TMEM25: variants seen among roughly 807,000 people sequenced by gnomAD.
The protein encoded by TMEM25 is transmembrane protein 25.
TMEM25 carries 36 observed loss-of-function variants against 37.0 expected under a neutral mutation model. That is an observed-to-expected ratio of 0.97 (90% CI 0.75 to 1.28). The LOEUF is 1.28. Ranked by LOEUF, TMEM25 falls within the 50% of genes most tolerant of loss-of-function variation. TMEM25 has a pLI of 0.00. For missense variants in TMEM25, 444 were observed against 477.9 expected, an observed-to-expected ratio of 0.93 and a Z score of 0.66; for synonymous variants, 197 against 203.7, an observed-to-expected ratio of 0.97 and a Z score of 0.28.
chr11:118,543,240 CTTAAACTCA>C (rs1555066127), intron 8 of TMEM25, among the ~76,000 whole-genome samples: 1 of 152,158 alleles, frequency 6.6e-6, no homozygotes, highest in African/African-American at 2.4e-5. Flanking sequence ...GTGCCTGCTC[CTTAAACTCA>C]AGCATGATGA....
intron 8 of TMEM25, chr11:118,545,624 G>A: frequency 1.9e-6 from 2 of 1,055,928 alleles, no homozygotes; most frequent in Non-Finnish European, 1.5e-6. Flanking sequence ...ATACCCAGCA[G>A]GTAGTCACAT....
intron 8 of TMEM25, chr11:118,545,101 C>G: frequency 1.0e-6 from 1 of 973,294 alleles, no homozygotes; most frequent in East Asian, 2.6e-5. Flanking sequence ...AATGAACCCC[C>G]TTTATTTCCT....
chr11:118,531,534 C>T, intron 1 of TMEM25: 2 of 548,920 alleles, frequency 3.6e-6, no homozygotes, highest in Non-Finnish European at 6.5e-6. Flanking sequence ...CGGGTGTGTG[C>T]CTCTTTGTAT....
In TMEM25 at chr11:118,532,834, T is replaced by C. The variant is rs925398749; in HGVS notation, c.383-83T>C. On this transcript the variant is annotated intron_variant, in intron 3 of 8. Coordinates refer to ENST00000313236, the MANE Select transcript of TMEM25 (RefSeq NM_032780.4). ...CCCTCTGAGGAGAGGCCCAGGCCCC[T>C]GGCTCCCATCTGGGTTTGGGAAGAA... 9.1e-6 allele frequency: 14 copies of C among 1,532,376 alleles called. 1 individual carries two copies. The highest frequency in any genetic ancestry group is 7.6e-5 in the South Asian group (6 of 78,606). The allele number at this position is 1,532,376 out of a possible 1,614,324, so 94.9% of individuals were successfully genotyped here. A position where few individuals can be genotyped will look rare whatever the true frequency, so the allele number is the denominator to read the frequency against.
intron 5 of TMEM25, 145 bp downstream of exon 5, chr11:118,533,696 C>T: frequency 6.4e-7 from 1 of 1,565,170 alleles, no homozygotes. Flanking sequence ...ACATGCATCC[C>T]AGGTAGCAGG....
At chr11:118,539,775 CT>C (rs1951554397), downstream of TMEM25, among the ~76,000 whole-genome samples, 1 of 151,822 alleles carries the variant, frequency 6.6e-6, no homozygotes, top group Non-Finnish European at 1.5e-5. Context: ...AATACCAGTA[CT>C]TTGGGAGGCA....
At chr11:118,532,781 A>T in intron 3 of TMEM25, 136 bp from the exon 4 acceptor site, 1 of 1,274,980 alleles carries the variant, frequency 7.8e-7, no homozygotes, top group Non-Finnish European at 1.1e-6. Flanking sequence ...CCTCTCTGGC[A>T]GACCCAGCCA....
chr11:118,540,738 C>A (rs1951567455), downstream of TMEM25, among the ~76,000 whole-genome samples: 1 of 152,172 alleles, frequency 6.6e-6, no homozygotes, highest in Non-Finnish European at 1.5e-5. Flanking sequence ...GCCAAACACT[C>A]TTTTTTTCAG....
At position 118,534,511 on chromosome 11, in the gene TMEM25, C is replaced by T. The variant is rs1555062085; in HGVS notation, c.1032C>T (p.Phe344=). 1 of 1,614,106 alleles carries T rather than the reference C, an allele frequency of 6.2e-7. No individual in the cohort carries two copies. The highest frequency in any genetic ancestry group is 1.3e-5 in the African/African-American group (1 of 74,938). ...CGGGCTTCTTTGATCCCGCAGGTTTCATCCGCCTCCCAGTGCTGGGCTATA... is the reference window on the plus strand; with the variant it reads ...CGGGCTTCTTTGATCCCGCAGGTTTTATCCGCCTCCCAGTGCTGGGCTATA... ...EPGGLLTSQG[F]IRLPVLGYIY... Residue 344 remains phenylalanine (F), a synonymous_variant, in exon 9 of 9, where the codon TTC becomes TTT. Coordinates refer to ENST00000313236, the MANE Select transcript of TMEM25 (RefSeq NM_032780.4). The surrounding 1 kb of genome is among the most constrained non-coding windows in gnomAD (Gnocchi z 4.6).
chr11:118,546,102 G>T, intron 8 of TMEM25: 2 of 718,492 alleles, frequency 2.8e-6, no homozygotes, highest in South Asian at 3.0e-5. Context: ...AATCCAGTAT[G>T]ACTGGTGTCC....
chr11:118,533,693 T>C, intron 5 of TMEM25, 142 bp downstream of exon 5: 2 of 1,567,742 alleles, frequency 1.3e-6, no homozygotes, highest in African/African-American at 2.7e-5. Context: ...GTGACATGCA[T>C]CCCAGGTAGC....
chr11:118,531,486 G>T, intron 1 of TMEM25: 2 of 530,460 alleles, frequency 3.8e-6, no homozygotes, highest in East Asian at 6.3e-5. Context: ...TGTGTGCAAG[G>T]TGTGGTTGCA....
chr11:118,543,965 C>T (rs1050506135), intron 8 of TMEM25, among the ~76,000 whole-genome samples: 4 of 152,092 alleles, frequency 2.6e-5, no homozygotes, highest in Admixed American at 1.3e-4. Flanking sequence ...CACCAAAACA[C>T]CCGGCTAACT....
Position 118,532,175 on chromosome 11 carries a change from A to AG in TMEM25, c.97dup (p.Asp33GlyfsTer7). 6.3e-7 allele frequency: 1 copy of AG among 1,580,766 alleles called. No homozygotes were observed. The highest frequency in any genetic ancestry group is 1.2e-5 in the South Asian group (1 of 85,260). ...GTTGGGGGGAGTTGGAGCCACAAAT[A>AG]GATGGTCAGACCTGGGCTGAGCGGG... On this transcript the variant is annotated frameshift_variant, in exon 3 of 9. Coordinates refer to ENST00000313236, the MANE Select transcript of TMEM25 (RefSeq NM_032780.4). LOFTEE classifies it high-confidence loss of function.
chr11:118,531,624 T>A (rs1392238786), intron 1 of TMEM25, 151 bp from the exon 2 acceptor site: 6 of 635,706 alleles, frequency 9.4e-6, no homozygotes, highest in Non-Finnish European at 1.6e-5. Context: ...CTTTGGGCTT[T>A]GCCGTTCGTG....
At chr11:118,542,558 C>G (rs2135444036) in intron 8 of TMEM25, among the ~76,000 whole-genome samples, 1 of 151,282 alleles carries the variant, frequency 6.6e-6, no homozygotes, top group African/African-American at 2.4e-5. Context: ...GAGTTGAGGC[C>G]AGGAGTTGGA....
In TMEM25 at chr11:118,533,869, A is replaced by G. The variant is rs1951414668; in HGVS notation, c.818A>G (p.His273Arg). 1 of 1,614,044 alleles carries G rather than the reference A, an allele frequency of 6.2e-7. No homozygotes were observed. The highest frequency in any genetic ancestry group is 8.5e-7 in the Non-Finnish European group (1 of 1,179,994). The change falls in exon 6 of 9, where the codon CAC becomes CGC. Residue 273 changes from histidine (H) to arginine (R), a missense_variant. Coordinates refer to ENST00000313236, the MANE Select transcript of TMEM25 (RefSeq NM_032780.4). ...TCTTTCTCCACAGGCCCCTCCCGGC[A>G]CCCATCTCTGATATCAAGGTAACTC... ...KEKKTKGPSR[H>R]PSLISSDSNN...
At chr11:118,531,432 T>C in intron 1 of TMEM25, 198 bp downstream of exon 1, 1 of 429,138 alleles carries the variant, frequency 2.3e-6, no homozygotes, top group African/African-American at 2.0e-5. Flanking sequence ...AGAAAGGCGA[T>C]CCCTTTGGGG....
Position 118,535,396 on chromosome 11 carries a change from G to A in TMEM25, c.*816G>A. 1 of 1,430,874 alleles carries A rather than the reference G, an allele frequency of 7.0e-7. No individual in the cohort carries two copies. Among genetic ancestry groups the A allele is most frequent in the Non-Finnish European group, 9.1e-7 (1 of 1,095,316 alleles). The allele number at this position is 1,430,874 out of a possible 1,614,324, so 88.6% of individuals were successfully genotyped here. A position where few individuals can be genotyped will look rare whatever the true frequency, so the allele number is the denominator to read the frequency against. ...TTAGCACTTTAAGCACATCCCCTAG[G>A]GGAGGGGGTGAGTGAGGGGCCCAGA... On this transcript the variant is annotated 3_prime_UTR_variant, in exon 9 of 9. Transcript: ENST00000313236.
Sources: allele counts gnomAD v4.1 joint callset (sites outside exome capture counted in the v4.1 genomes callset), GRCh38; gene constraint gnomAD v4.1.1; non-coding constraint Gnocchi (gnomAD v3.1); transcripts MANE v1.5; gene names NCBI Gene and HGNC (gene_info 2026-07-23, HGNC 2026-07-21).